Variants in CDC42BPA observed in about 807,000 individuals in gnomAD.
The protein encoded by CDC42BPA is CDC42 binding protein kinase alpha.
In CDC42BPA, 80 loss-of-function variants were observed where a neutral mutation model predicts 223.5. That is an observed-to-expected ratio of 0.36 (90% CI 0.30 to 0.43). The LOEUF is 0.43. CDC42BPA is among the 20% of genes least tolerant of loss of function. The pLI is 1.00. For missense variants in CDC42BPA, 1,743 were observed against 2,099.9 expected, an observed-to-expected ratio of 0.83 and a Z score of 3.32; for synonymous variants, 694 against 718.6, an observed-to-expected ratio of 0.97 and a Z score of 0.55.
At chr1:227,114,918 A>ACTTAAG (rs143392540) in intron 12 of CDC42BPA, among the ~76,000 whole-genome samples, 23,370 of 151,958 alleles carry the variant, frequency 0.15, 2,154 homozygotes, top group African/African-American at 0.25. Context: ...TTAAACTTAA[A>ACTTAAG]CTTGGTTAAT....
intron 5 of CDC42BPA, among the ~76,000 whole-genome samples, chr1:227,178,861 G>C (rs1667421956): frequency 6.6e-6 from 1 of 152,100 alleles, no homozygotes; most frequent in African/African-American, 2.4e-5. Context: ...TTTTTCTCTT[G>C]AGACTAAATC....
chr1:227,124,853 A>G (rs1348237039), intron 11 of CDC42BPA, among the ~76,000 whole-genome samples: 2 of 152,326 alleles, frequency 1.3e-5, no homozygotes, highest in East Asian at 3.9e-4. Context: ...AGTTCTGGGA[A>G]GAAGGAATAG....
chr1:227,084,591 C>T (rs891228439), intron 16 of CDC42BPA, among the ~76,000 whole-genome samples: 4 of 150,934 alleles, frequency 2.7e-5, no homozygotes, highest in African/African-American at 4.9e-5. Context: ...TATTTCAGAG[C>T]TACATTTTTT....
At chr1:227,179,601 A>G (rs1667563481) in intron 5 of CDC42BPA, among the ~76,000 whole-genome samples, 1 of 122,716 alleles carries the variant, frequency 8.1e-6, no homozygotes. Context: ...GTGCCACTGC[A>G]CTCCAGCCTG....
At chr1:227,135,855 CAAAAAAA>C (rs1175091904) in intron 10 of CDC42BPA, among the ~76,000 whole-genome samples, 1 of 6,606 alleles carries the variant, frequency 1.5e-4, no homozygotes, top group East Asian at 3.2e-3. Flanking sequence ...CTCTGTCTCC[CAAAAAAA>C]AAAAAAAAAA....
rs1660809546 is a variant in CDC42BPA at position 226,992,024 on chromosome 1, A to AGGAGGAGAGGAGG, written c.*2243_*2244insCCTCCTCTCCTCC. 1 of 10,202 alleles carries AGGAGGAGAGGAGG rather than the reference A, an allele frequency of 9.8e-5. No homozygotes were observed. The highest frequency in any genetic ancestry group is 4.1e-4 in the African/African-American group (1 of 2,416). 0.6% of individuals were successfully genotyped at this position (10,202 alleles called of 1,614,324 possible). Reference sequence around the variant, plus strand: ...AGAGGAGGGGAGGGTGGGGAGAGTGAGGAGGGTGGGGAGAGTGAGGAGGGT... The same window carrying AGGAGGAGAGGAGG: ...AGAGGAGGGGAGGGTGGGGAGAGTGAGGAGGAGAGGAGGGGAGGGTGGGGAGAGTGAGGAGGGT... On this transcript the variant is annotated 3_prime_UTR_variant, in exon 37 of 37. Transcript: ENST00000366766.
rs193109005 is a variant in CDC42BPA at position 227,289,584 on chromosome 1, T to A, written c.178+27421A>T. On this transcript the variant is annotated intron_variant, in intron 1 of 36. Transcript: ENST00000366766. The stretch of plus-strand genomic sequence containing the variant: ...TTCCTGACCTCCCCCCAAATTATAA[T>A]GTAAGCTCCATGAGAGCAGAAACCC... Among the ~76,000 whole-genome samples, 22 of 152,306 alleles carry A rather than the reference T, an allele frequency of 1.4e-4. No individual in the cohort carries two copies. In the East Asian group the frequency reaches 3.9e-3, roughly 27 times the overall value.
intron 32 of CDC42BPA, among the ~76,000 whole-genome samples, chr1:227,020,065 T>G (rs1417926573): frequency 6.6e-6 from 1 of 152,072 alleles, no homozygotes; most frequent in Non-Finnish European, 1.5e-5. Flanking sequence ...GCTGGCTAAT[T>G]TTGTATTTTT....
intron 3 of CDC42BPA, among the ~76,000 whole-genome samples, chr1:227,200,445 C>CAA (rs71180714): frequency 0.2 from 21,888 of 109,018 alleles, 1,754 homozygotes; most frequent in East Asian, 0.24. Flanking sequence ...AACAAACAAA[C>CAA]AAAAAAAAAA....
At chr1:227,239,726 C>T (rs934788085) in intron 2 of CDC42BPA, among the ~76,000 whole-genome samples, 3 of 152,150 alleles carry the variant, frequency 2.0e-5, no homozygotes, top group Admixed American at 2.0e-4. Flanking sequence ...TTTTTAAATG[C>T]TCAGCAAACT....
chr1:227,280,362 C>T (rs1390097283), intron 1 of CDC42BPA, among the ~76,000 whole-genome samples: 3 of 152,154 alleles, frequency 2.0e-5, no homozygotes, highest in Non-Finnish European at 4.4e-5. Flanking sequence ...TTGTTTTACA[C>T]CTAAGAGATC....
intron 10 of CDC42BPA, among the ~76,000 whole-genome samples, chr1:227,136,595 C>G (rs537728771): frequency 2.6e-5 from 4 of 152,206 alleles, no homozygotes; most frequent in African/African-American, 9.6e-5. Context: ...ACGTGAATCA[C>G]AGTCCAACTA....
chr1:227,146,861 G>A (rs947022167), intron 7 of CDC42BPA, among the ~76,000 whole-genome samples: 27 of 152,052 alleles, frequency 1.8e-4, no homozygotes, highest in Non-Finnish European at 4.0e-4. Flanking sequence ...TAAACTTCCT[G>A]AACAGAAAGG....
chr1:227,170,579 C>A (rs981706674), intron 5 of CDC42BPA, among the ~76,000 whole-genome samples: 1 of 152,150 alleles, frequency 6.6e-6, no homozygotes, highest in Non-Finnish European at 1.5e-5. Flanking sequence ...CAGATGTCAA[C>A]AGATAGCTCC....
chr1:227,126,679 G>A (rs917427550), intron 11 of CDC42BPA, among the ~76,000 whole-genome samples: 1 of 152,070 alleles, frequency 6.6e-6, no homozygotes, highest in African/African-American at 2.4e-5. Context: ...ATGTATGGCT[G>A]GTTCAATACT....
intron 21 of CDC42BPA, among the ~76,000 whole-genome samples, chr1:227,064,725 A>G (rs1676623890): frequency 6.8e-6 from 1 of 147,498 alleles, no homozygotes; most frequent in Non-Finnish European, 1.5e-5. Flanking sequence ...TCTCTGTTCT[A>G]CTGCTTTCTT....
At chr1:227,147,979 A>G (rs1232379567) in intron 6 of CDC42BPA, among the ~76,000 whole-genome samples, 1 of 152,190 alleles carries the variant, frequency 6.6e-6, no homozygotes. Flanking sequence ...CACTATGAGA[A>G]GCCTGGAGAT....
At chr1:227,154,430 G>A (rs1662349995) in intron 6 of CDC42BPA, among the ~76,000 whole-genome samples, 1 of 151,836 alleles carries the variant, frequency 6.6e-6, no homozygotes, top group South Asian at 2.1e-4. Context: ...CAAACCCAAA[G>A]TTTCTCATAA....
In CDC42BPA at chr1:227,317,089, G is replaced by A; in HGVS notation, c.94C>T (p.Leu32=). 2 of 1,613,876 alleles carry A rather than the reference G, an allele frequency of 1.2e-6. No homozygotes were observed. Among genetic ancestry groups the A allele is most frequent in the Non-Finnish European group, 8.5e-7 (1 of 1,179,782 alleles). ...NGQCFSVETL[L]DILICLYDEC... is the part of the protein sequence containing the mutation. ...TCATAAAGGCAGATGAGTATATCCA[G>A]TAATGTCTCCACACTGAAGCACTGC... Residue 32 remains leucine, a synonymous_variant, in exon 1 of 37, where the codon CTG becomes TTG. Transcript: ENST00000366766.
Sources: gnomAD v4.1 joint callset for allele counts (sites outside exome capture counted in the v4.1 genomes callset) on GRCh38, gnomAD v4.1.1 for gene constraint, MANE v1.5 for transcripts, NCBI Gene and HGNC (gene_info 2026-07-23, HGNC 2026-07-21) for gene names.